Variants in RPSA2 observed in about 807,000 individuals in gnomAD.
RPSA2 encodes ribosomal protein SA 2.
At chr19:23,867,847 AAG>A in the RPSA2 span, among the ~76,000 whole-genome samples, 1 of 143,612 alleles carries the variant, frequency 7.0e-6, no homozygotes, top group Non-Finnish European at 1.6e-5. Flanking sequence ...AAAAAAAAAA[AAG>A]GATTGGGACA....
At chr19:23,807,138 G>A in the RPSA2 span, among the ~76,000 whole-genome samples, 1 of 152,090 alleles carries the variant, frequency 6.6e-6, no homozygotes, top group African/African-American at 2.4e-5. Context: ...TGCAGCTGAT[G>A]TCCATACACC....
the RPSA2 span, chr19:23,762,899 AT>A: frequency 9.2e-5 from 14 of 152,348 alleles, no homozygotes; most frequent in African/African-American, 3.4e-4. Flanking sequence ...CTGTTGCTTT[AT>A]CCAATCAGTG....
chr19:23,818,833 AAGGC>A, the RPSA2 span: 1 of 152,836 alleles, frequency 6.5e-6, no homozygotes, highest in Non-Finnish European at 1.5e-5. Context: ...TAACATATAT[AAGGC>A]TGGCCACTTC....
At chr19:23,855,332 G>C in the RPSA2 span, among the ~76,000 whole-genome samples, 1 of 152,184 alleles carries the variant, frequency 6.6e-6, no homozygotes, top group Non-Finnish European at 1.5e-5. Context: ...CCAGTCTAAA[G>C]GAAGCAGAAT....
chr19:23,842,900 T>C, the RPSA2 span, among the ~76,000 whole-genome samples: 1 of 152,156 alleles, frequency 6.6e-6, no homozygotes, highest in African/African-American at 2.4e-5. Context: ...TCTAGATTAA[T>C]GATAATTCTA....
the RPSA2 span, among the ~76,000 whole-genome samples, chr19:23,839,876 CT>C: frequency 1.1e-4 from 17 of 152,228 alleles, no homozygotes; most frequent in Non-Finnish European, 1.3e-4. Flanking sequence ...CACAAACAGA[CT>C]TTCAGTTTCT....
chr19:23,758,945 T>C, the RPSA2 span: 10 of 669,478 alleles, frequency 1.5e-5, no homozygotes, highest in South Asian at 3.6e-5. Flanking sequence ...GCATGCCTGA[T>C]TGGACAGTTC....
chr19:23,830,226 C>A, the RPSA2 span, among the ~76,000 whole-genome samples: 2 of 152,184 alleles, frequency 1.3e-5, no homozygotes, highest in East Asian at 1.9e-4. Flanking sequence ...CTCACTGCAA[C>A]CTCCACTTCC....
chr19:23,761,930 T>TCTTTCTTTCTCTCTCTCTCTCTCTCTC, the RPSA2 span, among the ~76,000 whole-genome samples: 5 of 127,440 alleles, frequency 3.9e-5, no homozygotes, highest in Non-Finnish European at 4.9e-5. Context: ...CTTTTTTTTT[T>TCTTTCTTTCTCTCTCTCTCTCTCTCTC]TTTTTGAGAT....
At chr19:23,777,785 A>G in the RPSA2 span, among the ~76,000 whole-genome samples, 1 of 151,690 alleles carries the variant, frequency 6.6e-6, no homozygotes. Context: ...GAACTCTACC[A>G]CCTGTGCCCT....
the RPSA2 span, among the ~76,000 whole-genome samples, chr19:23,794,144 T>C: frequency 1.2e-4 from 19 of 152,194 alleles, 1 homozygote; most frequent in Admixed American, 1.2e-3. Context: ...TTATTGTGAC[T>C]AGTGCTGCAG....
chr19:23,850,648 C>A, the RPSA2 span, among the ~76,000 whole-genome samples: 1 of 151,716 alleles, frequency 6.6e-6, no homozygotes, highest in Non-Finnish European at 1.5e-5. Flanking sequence ...TGGTGAAACA[C>A]AAGCATACCC....
chr19:23,846,171 A>G, the RPSA2 span, among the ~76,000 whole-genome samples: 10 of 152,122 alleles, frequency 6.6e-5, no homozygotes, highest in African/African-American at 2.4e-4. Flanking sequence ...GTTTGTGTTA[A>G]TATCTACCCC....
At chr19:23,836,898 A>G in the RPSA2 span, among the ~76,000 whole-genome samples, 2 of 152,030 alleles carry the variant, frequency 1.3e-5, no homozygotes, top group Non-Finnish European at 1.5e-5. Flanking sequence ...TGTCAGATGT[A>G]TAGATTGTAA....
chr19:23,858,892 G>A, the RPSA2 span, among the ~76,000 whole-genome samples: 1 of 152,204 alleles, frequency 6.6e-6, no homozygotes, highest in African/African-American at 2.4e-5. Context: ...TGAGCCCTAT[G>A]TAAATTAGAC....
the RPSA2 span, among the ~76,000 whole-genome samples, chr19:23,783,742 G>A: frequency 6.6e-6 from 1 of 152,090 alleles, no homozygotes; most frequent in Non-Finnish European, 1.5e-5. Flanking sequence ...CCTGGGAGAT[G>A]AAACCCTATA....
chr19:23,851,381 G>T, the RPSA2 span, among the ~76,000 whole-genome samples: 1 of 152,150 alleles, frequency 6.6e-6, no homozygotes, highest in South Asian at 2.1e-4. Flanking sequence ...GAGCTTCTTG[G>T]GTTGCAAAAG....
chr19:23,869,408 G>A, the RPSA2 span, among the ~76,000 whole-genome samples: 86 of 109,776 alleles, frequency 7.8e-4, no homozygotes, highest in African/African-American at 2.4e-3. Context: ...AACCATGCCC[G>A]GCCCAATTGC....
the RPSA2 span, among the ~76,000 whole-genome samples, chr19:23,806,069 G>T: frequency 8.1e-6 from 1 of 124,056 alleles, no homozygotes; most frequent in African/African-American, 2.9e-5. Flanking sequence ...TTTTGAGACG[G>T]AACCTCACTC....
Sources: gnomAD v4.1 joint callset for allele counts (sites outside exome capture counted in the v4.1 genomes callset) on GRCh38, gnomAD v4.1.1 for gene constraint, MANE v1.5 for transcripts, NCBI Gene and HGNC (gene_info 2026-07-23, HGNC 2026-07-21) for gene names.